SREK1IP1: variants seen among roughly 807,000 people sequenced by gnomAD.
SREK1IP1 encodes the protein protein SREK1IP1.
A neutral mutation model predicts 22.8 loss-of-function variants in SREK1IP1; 12 were observed. The observed-to-expected ratio is 0.53, with a 90% CI of 0.34 to 0.85. SREK1IP1 has a LOEUF of 0.85. Among genes scored for constraint, SREK1IP1 ranks in the 40% least tolerant of loss-of-function variants. The pLI, the probability that SREK1IP1 is intolerant of heterozygous loss-of-function variation, is 0.02. For missense variants in SREK1IP1, 147 were observed against 171.8 expected, an observed-to-expected ratio of 0.86 and a Z score of 0.81; for synonymous variants, 53 against 52.7, an observed-to-expected ratio of 1.01 and a Z score of -0.02.
chr5:64,757,518 T>A (rs1742863684), intron 1 of SREK1IP1, among the ~76,000 whole-genome samples: 1 of 152,220 alleles, frequency 6.6e-6, no homozygotes, highest in African/African-American at 2.4e-5. Context: ...TTCATCCACA[T>A]AAAACACTAA....
Position 64,724,191 on chromosome 5 carries a change from C to G in SREK1IP1, c.*193G>C. ...GGGGCATGGCTATCAAGTAACAAGACTGATTTAATACTTTACAGTTACAGC... is the reference window on the plus strand; with the variant it reads ...GGGGCATGGCTATCAAGTAACAAGAGTGATTTAATACTTTACAGTTACAGC... On this transcript the variant is annotated 3_prime_UTR_variant, in exon 5 of 5. Transcript: ENST00000513458. The G allele has an allele frequency of 2.2e-6, 1 of 453,700 alleles. No individual in the cohort carries two copies. Among genetic ancestry groups the G allele is most frequent in the East Asian group, 3.4e-5 (1 of 29,318 alleles). 28.1% of individuals were successfully genotyped at this position (453,700 alleles called of 1,614,324 possible). A position where few individuals can be genotyped will look rare whatever the true frequency, so the allele number is the denominator to read the frequency against.
In SREK1IP1 at chr5:64,724,258, C is replaced by T. The variant is rs1363744137; in HGVS notation, c.*126G>A. The stretch of plus-strand genomic sequence containing the variant: ...GCCAGAGGGATAATGGTCCCAAATA[C>T]GAAAAATGTCTATATGGAAAAGGCT... On this transcript the variant is annotated 3_prime_UTR_variant, in exon 5 of 5. Coordinates refer to ENST00000513458, the MANE Select transcript of SREK1IP1 (RefSeq NM_173829.4). 13 of 823,842 alleles carry T rather than the reference C, an allele frequency of 1.6e-5. No individual in the cohort carries two copies. The highest frequency in any genetic ancestry group is 2.6e-5 in the East Asian group (1 of 38,144). 51.0% of individuals were successfully genotyped at this position (823,842 alleles called of 1,614,324 possible).
intron 1 of SREK1IP1, chr5:64,754,785 A>C (rs1284526654): frequency 6.5e-6 from 1 of 154,516 alleles, no homozygotes; most frequent in Non-Finnish European, 1.4e-5. Context: ...AAGAAACAGC[A>C]ACAACAAAAA....
At chr5:64,760,226 C>T (rs777142302) in intron 1 of SREK1IP1, among the ~76,000 whole-genome samples, 16 of 152,066 alleles carry the variant, frequency 1.1e-4, no homozygotes, top group Non-Finnish European at 8.8e-5. Flanking sequence ...TGCTGCCATT[C>T]GTATAAAAAA....
chr5:64,731,585 T>C (rs1444119316), intron 3 of SREK1IP1, among the ~76,000 whole-genome samples: 2 of 148,878 alleles, frequency 1.3e-5, no homozygotes, highest in African/African-American at 5.0e-5. Flanking sequence ...CTGAACTAGA[T>C]ATAGGACGAC....
intron 3 of SREK1IP1, among the ~76,000 whole-genome samples, chr5:64,736,587 G>A (rs541305660): frequency 1.3e-5 from 2 of 151,780 alleles, no homozygotes; most frequent in Admixed American, 6.6e-5. Flanking sequence ...TGAGCCTCCC[G>A]AGTAGCTGAT....
chr5:64,738,762 G>C (rs1283252160), intron 3 of SREK1IP1, among the ~76,000 whole-genome samples: 1 of 152,132 alleles, frequency 6.6e-6, no homozygotes, highest in Non-Finnish European at 1.5e-5. Flanking sequence ...CTTGGGTCAA[G>C]TGTATATCCA....
At chr5:64,768,339 T>C (rs1443150498) in intron 1 of SREK1IP1, among the ~76,000 whole-genome samples, 166 bp downstream of exon 1, 2 of 152,260 alleles carry the variant, frequency 1.3e-5, no homozygotes, top group African/African-American at 2.4e-5. Context: ...CTTCAGAGTT[T>C]ATGTTTGGAG....
intron 3 of SREK1IP1, among the ~76,000 whole-genome samples, chr5:64,734,652 CTTAG>C (rs1742429375): frequency 6.6e-6 from 1 of 151,748 alleles, no homozygotes; most frequent in Non-Finnish European, 1.5e-5. Flanking sequence ...GATTTATATT[CTTAG>C]TATTTCATTC....
intron 2 of SREK1IP1, among the ~76,000 whole-genome samples, chr5:64,741,476 G>A (rs1258417807): frequency 6.6e-6 from 1 of 152,002 alleles, no homozygotes; most frequent in African/African-American, 2.4e-5. Context: ...AAAGTATTGA[G>A]TTATTCTATT....
rs1481821292 is a variant in SREK1IP1 at position 64,720,984 on chromosome 5, G to C, written c.*3400C>G. ...CAACACCAGATTGCTTGTAATTCTT[G>C]ACAAACACATAACACAGCTTGTTCT... On this transcript the variant is annotated 3_prime_UTR_variant, in exon 5 of 5. Transcript: ENST00000513458. 1 of 152,156 alleles carries C rather than the reference G, an allele frequency of 6.6e-6. No homozygotes were observed. The highest frequency in any genetic ancestry group is 2.4e-5 in the African/African-American group (1 of 41,430). 9.4% of individuals were successfully genotyped at this position (152,156 alleles called of 1,614,324 possible). A position where few individuals can be genotyped will look rare whatever the true frequency, so the allele number is the denominator to read the frequency against.
intron 2 of SREK1IP1, among the ~76,000 whole-genome samples, 157 bp downstream of exon 2, chr5:64,754,158 T>A (rs1443124599): frequency 6.6e-6 from 1 of 152,184 alleles, no homozygotes; most frequent in African/African-American, 2.4e-5. Context: ...AGTGAATATT[T>A]AGTGCTAACA....
chr5:64,735,546 C>T (rs149344296), intron 3 of SREK1IP1, among the ~76,000 whole-genome samples: 9 of 152,070 alleles, frequency 5.9e-5, no homozygotes, highest in East Asian at 3.9e-4. Context: ...TTAAGAGATG[C>T]GGGGGTACTC....
intron 1 of SREK1IP1, among the ~76,000 whole-genome samples, chr5:64,762,694 T>C (rs1310172296): frequency 2.0e-5 from 3 of 152,186 alleles, no homozygotes; most frequent in African/African-American, 7.2e-5. Context: ...ATTTAAAAAA[T>C]AGGCTAAATG....
At chr5:64,729,568 T>A (rs1742340529) in intron 3 of SREK1IP1, among the ~76,000 whole-genome samples, 1 of 152,028 alleles carries the variant, frequency 6.6e-6, no homozygotes, top group Non-Finnish European at 1.5e-5. Flanking sequence ...AAGGCAACAG[T>A]AAGGATTTTA....
intron 4 of SREK1IP1, among the ~76,000 whole-genome samples, chr5:64,726,822 T>C (rs757231287): frequency 6.6e-6 from 1 of 152,166 alleles, no homozygotes; most frequent in African/African-American, 2.4e-5. Flanking sequence ...TTGAATACTG[T>C]CCTGAAAGTG....
At chr5:64,762,078 C>T (rs879659523) in intron 1 of SREK1IP1, among the ~76,000 whole-genome samples, 8 of 152,130 alleles carry the variant, frequency 5.3e-5, no homozygotes, top group African/African-American at 1.4e-4. Context: ...TTTTACATCA[C>T]CTATCTTTCC....
At chr5:64,739,897 T>A (rs566459656) in intron 3 of SREK1IP1, among the ~76,000 whole-genome samples, 1 of 152,212 alleles carries the variant, frequency 6.6e-6, no homozygotes, top group Admixed American at 6.5e-5. Context: ...ATGGAAAGCT[T>A]GATATTAAAA....
chr5:64,747,651 G>A lies in SREK1IP1; in HGVS notation c.62-6451C>T, dbSNP rs562034332. Among the ~76,000 whole-genome samples the A allele has an allele frequency of 3.2e-4, 48 of 151,612 alleles. No homozygotes were observed. The Middle Eastern group carries it at 0.011, about 34-fold the overall frequency. ...AAACCAGTTTGGCAGTTTTTCGGCC[G>A]GGCGCGGTGGCTCACGCCTGTAATC... On this transcript the variant is annotated intron_variant, in intron 2 of 4. Coordinates refer to ENST00000513458, the MANE Select transcript of SREK1IP1 (RefSeq NM_173829.4).
Sources: gnomAD v4.1 joint callset for allele counts (sites outside exome capture counted in the v4.1 genomes callset) on GRCh38, gnomAD v4.1.1 for gene constraint, MANE v1.5 for transcripts, NCBI Gene and HGNC (gene_info 2026-07-23, HGNC 2026-07-21) for gene names.